The following CAB39L variants were observed in gnomAD, a reference collection of about 807,000 sequenced individuals.
The protein encoded by CAB39L is calcium-binding protein 39-like.
In CAB39L, 23 loss-of-function variants were observed where a neutral mutation model predicts 39.1. The observed-to-expected ratio is 0.59, with a 90% CI of 0.42 to 0.83. CAB39L has a LOEUF of 0.83. Ranked by LOEUF, CAB39L falls within the 40% of genes least tolerant of loss-of-function variation. The probability of loss-of-function intolerance (pLI) is 0.00; values close to 1 mark genes in which losing one functional copy is unlikely to be tolerated. For synonymous variants in CAB39L, 126 were observed against 137.2 expected, an observed-to-expected ratio of 0.92 and a Z score of 0.57; for missense variants, 366 against 391.9, an observed-to-expected ratio of 0.93 and a Z score of 0.56.
At chr13:49,414,355 T>C (rs946457872) in intron 3 of CAB39L, among the ~76,000 whole-genome samples, 1 of 152,132 alleles carries the variant, frequency 6.6e-6, no homozygotes, top group Admixed American at 6.6e-5. Context: ...GGAACCTTTC[T>C]AGAAAACAAT....
intron 3 of CAB39L, among the ~76,000 whole-genome samples, chr13:49,415,626 G>T (rs892572968): frequency 5.9e-5 from 9 of 152,002 alleles, no homozygotes; most frequent in African/African-American, 2.2e-4. Flanking sequence ...ATAGACTTCT[G>T]AGTTTCCATT....
rs1270438947 is a variant in CAB39L, at chr13:49,439,920, G to GTTTT, written c.-246+4065_-246+4066insAAAA. On this transcript the variant is annotated intron_variant, in intron 1 of 10. Coordinates refer to ENST00000409308, the MANE Select transcript of CAB39L (RefSeq NM_001079670.3). ...GATGTCTTTTGACCACTTTTTAATG[G>GTTTT]GTTTTTTTTTTTTTTTTTTTTGCTT... Among the ~76,000 whole-genome samples the GTTTT allele has an allele frequency of 2.8e-3, 114 of 41,284 alleles. 2 individuals are homozygous for GTTTT. The highest frequency in any genetic ancestry group is 8.3e-3 in the African/African-American group (107 of 12,914). The allele number at this position is 41,284 out of a possible 152,430, so 27.1% of individuals were successfully genotyped here. A position where few individuals can be genotyped will look rare whatever the true frequency, so the allele number is the denominator to read the frequency against.
intron 3 of CAB39L, among the ~76,000 whole-genome samples, chr13:49,431,584 G>C (rs1175308824): frequency 6.6e-6 from 1 of 151,958 alleles, no homozygotes; most frequent in Non-Finnish European, 1.5e-5. Context: ...GCACACTCCT[G>C]TAATCCCAGC....
At chr13:49,324,543 G>A (rs960314109) in intron 10 of CAB39L, among the ~76,000 whole-genome samples, 7 of 152,096 alleles carry the variant, frequency 4.6e-5, no homozygotes, top group African/African-American at 7.2e-5. Context: ...TTGCCATTTC[G>A]AATTTACCAG....
At chr13:49,328,918 T>C (rs1333719265) in intron 10 of CAB39L, among the ~76,000 whole-genome samples, 3 of 152,220 alleles carry the variant, frequency 2.0e-5, no homozygotes, top group African/African-American at 7.2e-5. Context: ...AGACAGCCTC[T>C]TATTTTCTCT....
chr13:49,361,603 C>G (rs1270782338), intron 5 of CAB39L, among the ~76,000 whole-genome samples: 2 of 150,610 alleles, frequency 1.3e-5, no homozygotes, highest in African/African-American at 4.9e-5. Flanking sequence ...GTCCAATACC[C>G]TTCAATGACT....
intron 5 of CAB39L, 140 bp downstream of exon 5, chr13:49,376,827 C>A: frequency 1.6e-6 from 1 of 644,482 alleles, no homozygotes; most frequent in Non-Finnish European, 2.4e-6. Flanking sequence ...TAATTGTAGA[C>A]ATTTTAGAAA....
At chr13:49,409,501 A>T (rs1208162053) in intron 3 of CAB39L, among the ~76,000 whole-genome samples, 3 of 151,932 alleles carry the variant, frequency 2.0e-5, no homozygotes, top group Non-Finnish European at 4.4e-5. Flanking sequence ...TGGGACAGAC[A>T]GGAGGAAGGT....
intron 1 of CAB39L, among the ~76,000 whole-genome samples, chr13:49,437,424 C>T (rs1175302266): frequency 6.6e-6 from 1 of 152,158 alleles, no homozygotes; most frequent in Non-Finnish European, 1.5e-5. Context: ...CTTTCCTTTC[C>T]CCAGAAGCAG....
chr13:49,411,851 A>G (rs1002031659), intron 3 of CAB39L, among the ~76,000 whole-genome samples: 7 of 152,202 alleles, frequency 4.6e-5, no homozygotes, highest in Non-Finnish European at 8.8e-5. Flanking sequence ...CAGGGCATAG[A>G]AGGGATCGAG....
chr13:49,339,836 A>G lies in CAB39L; in HGVS notation c.625-94T>C, dbSNP rs1593942842. 5 of 1,287,828 alleles carry G rather than the reference A, an allele frequency of 3.9e-6. No homozygotes were observed. The East Asian group carries it at 1.2e-4, about 31-fold the overall frequency. The allele number at this position is 1,287,828 out of a possible 1,614,324, so 79.8% of individuals were successfully genotyped here. A position where few individuals can be genotyped will look rare whatever the true frequency, so the allele number is the denominator to read the frequency against. The stretch of plus-strand genomic sequence containing the variant: ...TTTCTTTTTCAGGAGCAAATTCCCA[A>G]CTTCTGGCCATTTTACCATCCTTCT... On this transcript the variant is annotated intron_variant, in intron 8 of 10. Transcript: ENST00000409308.
In CAB39L at chr13:49,405,548, G is replaced by A. The variant is rs189014677; in HGVS notation, c.-31-22607C>T. Among the ~76,000 whole-genome samples the A allele has an allele frequency of 4.7e-4, 72 of 152,150 alleles. 1 individual carries two copies. Among genetic ancestry groups the A allele is most frequent in the African/African-American group, 1.7e-3 (70 of 41,488 alleles). On this transcript the variant is annotated intron_variant, in intron 3 of 10. Transcript: ENST00000409308. ...CCAGCACTTTGGGAGGCTGAGACAG[G>A]AGGATTGCTTGAGCAGAGAAGTTCA...
Position 49,349,485 on chromosome 13 carries a change from A to T in CAB39L, c.564+1259T>A, listed in dbSNP as rs1955278086. 1.4e-4 allele frequency among the ~76,000 whole-genome samples: 21 copies of T among 147,332 alleles called. No individual in the cohort carries two copies. The South Asian group carries it at 4.5e-3, about 31-fold the overall frequency. On this transcript the variant is annotated intron_variant, in intron 7 of 10. Transcript: ENST00000409308. Reference sequence around the variant, plus strand: ...ATATATATATATATATATACATTTAAATGAGTCTTACCTACTTTTTAAACC... The same window carrying T: ...ATATATATATATATATATACATTTATATGAGTCTTACCTACTTTTTAAACC...
intron 3 of CAB39L, among the ~76,000 whole-genome samples, chr13:49,390,561 A>G (rs2138619086): frequency 1.3e-5 from 2 of 152,358 alleles, no homozygotes; most frequent in South Asian, 4.1e-4. Context: ...ATGTAAAAAT[A>G]AATAGAGCAA....
At chr13:49,346,120 T>TATATATGTATATATATATATATATC (rs10663110) in intron 7 of CAB39L, among the ~76,000 whole-genome samples, 1 of 88,482 alleles carries the variant, frequency 1.1e-5, no homozygotes, top group Non-Finnish European at 2.2e-5. Flanking sequence ...TATATATATA[T>TATATATGTATATATATATATATATC]ATATCATGGA....
At chr13:49,334,486 CT>C (rs1283077377) in intron 9 of CAB39L, among the ~76,000 whole-genome samples, 2 of 152,194 alleles carry the variant, frequency 1.3e-5, no homozygotes, top group African/African-American at 4.8e-5. Flanking sequence ...TTGAGAAACA[CT>C]TTCACCTCTT....
chr13:49,404,225 G>C (rs1057149231), intron 3 of CAB39L, among the ~76,000 whole-genome samples: 1 of 152,192 alleles, frequency 6.6e-6, no homozygotes, highest in Non-Finnish European at 1.5e-5. Context: ...GAGAACACGA[G>C]ACTGTCTGGT....
At chr13:49,443,284 A>G (rs1957577010) in intron 1 of CAB39L, among the ~76,000 whole-genome samples, 1 of 151,756 alleles carries the variant, frequency 6.6e-6, no homozygotes. Context: ...ATTTGACAAA[A>G]TTCTTCCTTC....
intron 8 of CAB39L, 44 bp downstream of exon 8, chr13:49,344,135 G>C: frequency 1.8e-6 from 2 of 1,132,122 alleles, no homozygotes; most frequent in Non-Finnish European, 2.7e-6. Context: ...TAAAAGGGAG[G>C]GAGAGAGAAA....
Sources: gnomAD v4.1 joint callset for allele counts (sites outside exome capture counted in the v4.1 genomes callset) on GRCh38, gnomAD v4.1.1 for gene constraint, MANE v1.5 for transcripts, NCBI Gene and HGNC (gene_info 2026-07-23, HGNC 2026-07-21) for gene names.